The following BDP1 variants were observed in gnomAD, a reference collection of about 807,000 sequenced individuals.
BDP1 encodes the protein BDP1 general transcription factor IIIB subunit.
A neutral mutation model predicts 266.6 loss-of-function variants in BDP1; 169 were observed. The ratio of observed to expected loss-of-function variants is 0.63; its 90% CI spans 0.56 to 0.72. The LOEUF is 0.72. BDP1 is among the 30% of genes least tolerant of loss of function. The pLI is 0.00. For synonymous variants in BDP1, 1,090 were observed against 1,022.4 expected (o/e 1.07, Z -1.26); for missense variants, 3,015 against 3,053.8 (o/e 0.99, Z 0.30).
chr5:71,528,288 G>T (rs1766035413), intron 25 of BDP1, among the ~76,000 whole-genome samples: 1 of 152,204 alleles, frequency 6.6e-6, no homozygotes, highest in African/African-American at 2.4e-5. Context: ...TCATCCTAAG[G>T]GTTGTGAACT....
At chr5:71,498,458 C>CTG (rs1764027453) in intron 13 of BDP1, among the ~76,000 whole-genome samples, 1 of 151,062 alleles carries the variant, frequency 6.6e-6, no homozygotes, top group Admixed American at 6.6e-5. Context: ...GAGTCTTGCT[C>CTG]TGTTGCCCAG....
intron 18 of BDP1, 133 bp downstream of exon 18, chr5:71,512,561 A>G: frequency 1.8e-6 from 1 of 550,748 alleles, no homozygotes; most frequent in Non-Finnish European, 3.0e-6. Flanking sequence ...AGACTGGGAG[A>G]GAGGATTGAG....
chr5:71,554,432 A>G (rs974002284), intron 35 of BDP1, among the ~76,000 whole-genome samples: 1 of 152,148 alleles, frequency 6.6e-6, no homozygotes, highest in Non-Finnish European at 1.5e-5. Flanking sequence ...TTGTTTTCTC[A>G]TGCAGAACTT....
At position 71,510,945 on chromosome 5, in the gene BDP1, A is replaced by G. The variant is rs1013089648; in HGVS notation, c.3853A>G (p.Thr1285Ala). The G allele has an allele frequency of 1.5e-5, 25 of 1,614,218 alleles. No homozygotes were observed. The highest frequency in any genetic ancestry group is 2.1e-5 in the Non-Finnish European group (25 of 1,180,032). The change falls in exon 17 of 39, where the codon ACT becomes GCT. Residue 1285 changes from threonine (T) to alanine (A), a missense_variant. Around this residue, in one of 3 missense-constraint regions of BDP1, gnomAD observed 2,383 missense variants for 2,404.9 expected, o/e 0.99. Coordinates refer to ENST00000358731, the MANE Select transcript of BDP1 (RefSeq NM_018429.3). ...VEEMEADLKE[T>A]GKENFRERGS... ...AGAAATGGAGGCAGATTTGAAAGAA[A>G]CTGGAAAAGAAAATTTTAGAGAGAG...
chr5:71,546,673 G>T (rs908142653), intron 32 of BDP1, among the ~76,000 whole-genome samples: 1 of 147,894 alleles, frequency 6.8e-6, no homozygotes, highest in African/African-American at 2.5e-5. Flanking sequence ...TTGAAAGTAG[G>T]TTGAGTCCAT....
At chr5:71,496,107 T>G (rs1763873654) in intron 12 of BDP1, among the ~76,000 whole-genome samples, 1 of 151,916 alleles carries the variant, frequency 6.6e-6, no homozygotes. Context: ...CCGGGTGTGG[T>G]GGCATGCACC....
chr5:71,491,256 C>T, intron 11 of BDP1, 125 bp downstream of exon 11: 1 of 890,980 alleles, frequency 1.1e-6, no homozygotes, highest in Non-Finnish European at 1.7e-6. Context: ...GTTTTTGCTC[C>T]ATATATTTTG....
At chr5:71,501,956 A>C (rs1217687458) in intron 14 of BDP1, among the ~76,000 whole-genome samples, 1 of 152,146 alleles carries the variant, frequency 6.6e-6, no homozygotes, top group Non-Finnish European at 1.5e-5. Context: ...TGAAATAGAA[A>C]TCTAAAATAG....
rs371941120 is a variant in BDP1 at position 71,524,011 on chromosome 5, A to G, written c.5460A>G (p.Thr1820=). 55 of 1,614,112 alleles carry G rather than the reference A, an allele frequency of 3.4e-5. No individual in the cohort carries two copies. The highest frequency in any genetic ancestry group is 4.5e-5 in the Non-Finnish European group (53 of 1,180,034). Residue 1820 remains threonine, a synonymous_variant, in exon 25 of 39, where the codon ACA becomes ACG. Transcript: ENST00000358731. ...ATGGGAAAACAACTATCTCTTCTAC[A>G]TCTGAGTATGAGAGAAATCGTGGTG... ...ALDGKTTISS[T]SEYERNRGER...
Position 71,512,259 on chromosome 5 carries a change from C to T in BDP1, c.4078C>T (p.Leu1360=), listed in dbSNP as rs1363087776. ...LDIQNISSEV[L]SMMHTPVEEK... is the part of the protein sequence containing the mutation. The stretch of plus-strand genomic sequence containing the variant: ...CCTCTAGAACATTAGCAGTGAAGTA[C>T]TGTCGATGATGCATACACCTGTAGA... The change falls in exon 18 of 39, where the codon CTG becomes TTG. Residue 1360 remains leucine (L), a synonymous_variant. Transcript: ENST00000358731. The T allele has an allele frequency of 4.6e-6, 7 of 1,527,664 alleles. No homozygotes were observed. Among genetic ancestry groups the T allele is most frequent in the Middle Eastern group, 1.8e-4 (1 of 5,510 alleles). The allele number at this position is 1,527,664 out of a possible 1,614,324, so 94.6% of individuals were successfully genotyped here.
At chr5:71,503,865 G>A (rs1009523631) in intron 15 of BDP1, among the ~76,000 whole-genome samples, 4 of 152,034 alleles carry the variant, frequency 2.6e-5, no homozygotes, top group African/African-American at 7.2e-5. Context: ...CAGCTACTTG[G>A]GAGGCTGAGG....
At chr5:71,559,471 T>G (rs1158766683) in intron 36 of BDP1, among the ~76,000 whole-genome samples, 2 of 152,224 alleles carry the variant, frequency 1.3e-5, no homozygotes, top group Non-Finnish European at 2.9e-5. Flanking sequence ...GAAAACAGGT[T>G]TTTTATTGAG....
In BDP1 at chr5:71,456,063, G is replaced by GC. The variant is rs1212348044; in HGVS notation, c.190dup (p.Gln64ProfsTer6). ...CCACAGTCGATTTCGGTGGAGCGGA[G>GC]CCCCAAGAAAAGGCTCCTAGGAGCA... is the stretch of plus-strand genomic sequence containing the variant. On this transcript the variant is annotated frameshift_variant, in exon 1 of 39. Transcript: ENST00000358731. LOFTEE classifies it high-confidence loss of function. 1.2e-6 allele frequency: 2 copies of GC among 1,613,296 alleles called. No homozygotes were observed. The highest frequency in any genetic ancestry group is 2.2e-5 in the East Asian group (1 of 44,886).
At chr5:71,532,893 A>G (rs981269863) in intron 26 of BDP1, among the ~76,000 whole-genome samples, 7 of 152,236 alleles carry the variant, frequency 4.6e-5, no homozygotes, top group African/African-American at 1.2e-4. Context: ...GGACATTTTC[A>G]TCACCTCAAA....
rs769323874 is a variant in BDP1, at chr5:71,510,401, TG to T, written c.3311del (p.Gly1104AlafsTer2). On this transcript the variant is annotated frameshift_variant, in exon 17 of 39. Coordinates refer to ENST00000358731, the MANE Select transcript of BDP1 (RefSeq NM_018429.3). LOFTEE classifies it high-confidence loss of function. ...TEREISPQEN[G>X]LEEVKPLGEM... The stretch of plus-strand genomic sequence containing the variant: ...AAAGAGAAATATCCCCACAGGAAAA[TG>T]GCCTAGAGGAGGTTAAGCCTCTAGG... 8.1e-6 allele frequency: 13 copies of T among 1,612,018 alleles called. No homozygotes were observed. The highest frequency in any genetic ancestry group is 4.2e-6 in the Non-Finnish European group (5 of 1,179,692).
At position 71,522,388 on chromosome 5, in the gene BDP1, G is replaced by A. The variant is rs774194652; in HGVS notation, c.5091G>A (p.Glu1697=). The A allele has an allele frequency of 9.9e-6, 16 of 1,613,738 alleles. No homozygotes were observed. Among genetic ancestry groups the A allele is most frequent in the Non-Finnish European group, 1.2e-5 (14 of 1,179,916 alleles). Residue 1697 remains glutamate, a synonymous_variant, in exon 23 of 39, where the codon GAG becomes GAA. Transcript: ENST00000358731. The stretch of plus-strand genomic sequence containing the variant: ...TGGGAAGAGCACACAGTAAGAAAGA[G>A]GAACCAGTTTTAGAAAAAGTCACAA... ...PNLGRAHSKK[E]EPVLEKVTTD...
chr5:71,496,802 C>T (rs764308951), intron 12 of BDP1, among the ~76,000 whole-genome samples: 1 of 152,310 alleles, frequency 6.6e-6, no homozygotes, highest in Middle Eastern at 3.4e-3. Flanking sequence ...AGGCTGGTCT[C>T]GAACTCCTGA....
Position 71,455,760 on chromosome 5 carries a change from AGCTGGTGGTGTG to A in BDP1, c.-114_-103del. On this transcript the variant is annotated 5_prime_UTR_variant, in exon 1 of 39. Transcript: ENST00000358731. The stretch of plus-strand genomic sequence containing the variant: ...GTGAAACTACGGTAGCTGCCCCCTG[AGCTGGTGGTGTG>A]GCTTTGTGGGGAGGGCGTAGTTCCT... 1 of 838,364 alleles carries A rather than the reference AGCTGGTGGTGTG, an allele frequency of 1.2e-6. No homozygotes were observed. The highest frequency in any genetic ancestry group is 1.8e-6 in the Non-Finnish European group (1 of 541,896). 51.9% of individuals were successfully genotyped at this position (838,364 alleles called of 1,614,324 possible). A position where few individuals can be genotyped will look rare whatever the true frequency, so the allele number is the denominator to read the frequency against.
intron 33 of BDP1, 132 bp from the exon 34 acceptor site, chr5:71,549,288 G>T (rs538196665): frequency 1.3e-6 from 1 of 762,490 alleles, no homozygotes. Context: ...GGGGTTGTTG[G>T]GGGGAGCATT....
Sources: gnomAD v4.1 joint callset for allele counts (sites outside exome capture counted in the v4.1 genomes callset) on GRCh38, gnomAD v4.1.1 for gene constraint, gnomAD v4.1.1 regional missense constraint, MANE v1.5 for transcripts, NCBI Gene and HGNC (gene_info 2026-07-23, HGNC 2026-07-21) for gene names.